Variants in INPP4B observed in about 807,000 individuals in gnomAD.
INPP4B encodes inositol polyphosphate 4-phosphatase type II.
INPP4B carries 55 observed loss-of-function variants against 122.5 expected under a neutral mutation model. The observed-to-expected ratio is 0.45, with a 90% CI of 0.36 to 0.56. The LOEUF (loss-of-function observed/expected upper bound fraction) is 0.56, where lower values mean the gene tolerates loss of function less well. Ranked by LOEUF, INPP4B falls within the 20% of genes least tolerant of loss-of-function variation. INPP4B has a pLI of 0.00. For missense variants in INPP4B, 1,000 were observed against 1,097.7 expected (o/e 0.91, Z 1.26); for synonymous variants, 403 against 388.7 (o/e 1.04, Z -0.43).
intron 23 of INPP4B, among the ~76,000 whole-genome samples, chr4:142,088,510 G>GTA (rs138881532): frequency 6.6e-6 from 1 of 151,962 alleles, no homozygotes; most frequent in Non-Finnish European, 1.5e-5. Context: ...GTGCTTGTGT[G>GTA]TGTGTGTGTG....
At chr4:142,214,710 G>A (rs1419899507) in intron 12 of INPP4B, among the ~76,000 whole-genome samples, 24 of 152,018 alleles carry the variant, frequency 1.6e-4, no homozygotes, top group African/African-American at 5.6e-4. Flanking sequence ...CTGCCATCAC[G>A]CCTGGCTAAT....
At position 142,612,659 on chromosome 4, in the gene INPP4B, A is replaced by G. The variant is rs1293696281; in HGVS notation, c.-191+113180T>C. Among the ~76,000 whole-genome samples the G allele has an allele frequency of 2.6e-5, 4 of 152,148 alleles. No homozygotes were observed. In the East Asian group the frequency reaches 7.7e-4, roughly 29 times the overall value. ...AACTGCAATTATTTTTGCACCGACC[A>G]ATATAGCCTCACATGGAGGAAAGGG... On this transcript the variant is annotated intron_variant, in intron 2 of 25. Coordinates refer to ENST00000262992, the MANE Select transcript of INPP4B (RefSeq NM_001101669.3).
At chr4:142,822,319 G>A (rs1780886143) in intron 1 of INPP4B, among the ~76,000 whole-genome samples, 2 of 152,158 alleles carry the variant, frequency 1.3e-5, no homozygotes, top group Admixed American at 1.3e-4. Flanking sequence ...TTTCACAGAT[G>A]AGGAAACAAT....
intron 2 of INPP4B, among the ~76,000 whole-genome samples, chr4:142,605,613 A>G (rs1441419378): frequency 1.3e-5 from 2 of 151,828 alleles, no homozygotes; most frequent in African/African-American, 4.8e-5. Context: ...AAAAGTTAGC[A>G]TCGGTCATGA....
At chr4:142,573,403 A>G (rs1277752553) in intron 2 of INPP4B, among the ~76,000 whole-genome samples, 6 of 152,114 alleles carry the variant, frequency 3.9e-5, no homozygotes, top group African/African-American at 1.4e-4. Context: ...TAGGTCTTGC[A>G]TCCATATCAG....
At chr4:142,805,325 G>A (rs1226526138) in intron 1 of INPP4B, among the ~76,000 whole-genome samples, 1 of 152,134 alleles carries the variant, frequency 6.6e-6, no homozygotes, top group Non-Finnish European at 1.5e-5. Flanking sequence ...TGTATTAGGG[G>A]AGTCAATTAT....
At chr4:142,253,783 C>A (rs1733899655) in intron 11 of INPP4B, among the ~76,000 whole-genome samples, 1 of 152,174 alleles carries the variant, frequency 6.6e-6, no homozygotes, top group Non-Finnish European at 1.5e-5. Flanking sequence ...GGGGGAGGGG[C>A]ACCCACCATT....
chr4:142,343,966 A>C (rs565081314), intron 7 of INPP4B, among the ~76,000 whole-genome samples: 1 of 152,084 alleles, frequency 6.6e-6, no homozygotes, highest in Non-Finnish European at 1.5e-5. Flanking sequence ...TAAATAGCTC[A>C]CTAAGTATCA....
intron 2 of INPP4B, among the ~76,000 whole-genome samples, chr4:142,699,810 A>G (rs1009891843): frequency 2.0e-5 from 3 of 152,160 alleles, no homozygotes; most frequent in African/African-American, 7.2e-5. Context: ...GCACTTGTAT[A>G]TCTTGCCTCT....
chr4:142,516,158 C>G (rs914638540), intron 2 of INPP4B, among the ~76,000 whole-genome samples: 2 of 152,066 alleles, frequency 1.3e-5, no homozygotes, highest in Non-Finnish European at 2.9e-5. Flanking sequence ...AGCAAAAGAT[C>G]TCTTTTTTTG....
rs547384192 is a variant in INPP4B at position 142,113,548 on chromosome 4, G to T, written c.2136-866C>A. On this transcript the variant is annotated intron_variant, in intron 21 of 25. Transcript: ENST00000262992. ...GTATAACATTATTGATAAACAGTGTGGACCACTGACTCTGAGACTTGTTTC... is the reference window on the plus strand; with the variant it reads ...GTATAACATTATTGATAAACAGTGTTGACCACTGACTCTGAGACTTGTTTC... Among the ~76,000 whole-genome samples the T allele has an allele frequency of 2.6e-5, 4 of 151,962 alleles. No individual in the cohort carries two copies. The South Asian group carries it at 8.3e-4, about 32-fold the overall frequency.
intron 2 of INPP4B, among the ~76,000 whole-genome samples, chr4:142,522,671 G>A (rs1826254378): frequency 6.6e-6 from 1 of 152,036 alleles, no homozygotes; most frequent in South Asian, 2.1e-4. Context: ...AGGGCTGCCT[G>A]AAAGAAGTGG....
chr4:142,785,703 T>C (rs1775671783), intron 1 of INPP4B, among the ~76,000 whole-genome samples: 1 of 151,854 alleles, frequency 6.6e-6, no homozygotes, highest in African/African-American at 2.4e-5. Context: ...ATATATACAA[T>C]TGGAATACTA....
intron 2 of INPP4B, among the ~76,000 whole-genome samples, chr4:142,657,212 A>G (rs558964598): frequency 2.0e-5 from 3 of 152,316 alleles, no homozygotes; most frequent in Admixed American, 1.3e-4. Flanking sequence ...TTTTAGAGGG[A>G]AGATAAAAGC....
chr4:142,092,822 T>C (rs1780177659), intron 23 of INPP4B, among the ~76,000 whole-genome samples: 1 of 152,228 alleles, frequency 6.6e-6, no homozygotes, highest in African/African-American at 2.4e-5. Context: ...TGATTTAGAA[T>C]GAGGAAAGGA....
At chr4:142,838,033 G>GTTTTT (rs546156996) in intron 1 of INPP4B, among the ~76,000 whole-genome samples, 24 of 143,444 alleles carry the variant, frequency 1.7e-4, no homozygotes, top group African/African-American at 5.8e-4. Context: ...GGAAAGTGGT[G>GTTTTT]TTTTTTTTTT....
chr4:142,681,121 T>C (rs1321846632), intron 2 of INPP4B, among the ~76,000 whole-genome samples: 1 of 151,864 alleles, frequency 6.6e-6, no homozygotes, highest in Non-Finnish European at 1.5e-5. Flanking sequence ...AATTACATTA[T>C]GTCAGCCGCA....
intron 22 of INPP4B, among the ~76,000 whole-genome samples, chr4:142,108,764 C>A (rs1356660248): frequency 6.6e-6 from 1 of 152,138 alleles, no homozygotes; most frequent in African/African-American, 2.4e-5. Context: ...TAGTCTTCCA[C>A]CAAGAGGTGT....
At chr4:142,435,360 C>T (rs960729628) in intron 3 of INPP4B, among the ~76,000 whole-genome samples, 1 of 151,810 alleles carries the variant, frequency 6.6e-6, no homozygotes, top group Admixed American at 6.6e-5. Context: ...ATGAAACTTG[C>T]CATTCCTACC....
Sources: gnomAD v4.1 joint callset for allele counts (sites outside exome capture counted in the v4.1 genomes callset) on GRCh38, gnomAD v4.1.1 for gene constraint, MANE v1.5 for transcripts, NCBI Gene and HGNC (gene_info 2026-07-23, HGNC 2026-07-21) for gene names.